NFRKB: variants seen among roughly 807,000 people sequenced by gnomAD.
NFRKB encodes the protein nuclear factor related to kappaB binding protein.
In NFRKB, 62 loss-of-function variants were observed where a neutral mutation model predicts 135.7. That is an observed-to-expected ratio of 0.46 (90% confidence interval 0.37 to 0.56). The LOEUF is 0.56. Ranked by LOEUF, NFRKB falls within the 20% of genes least tolerant of loss-of-function variation. NFRKB has a pLI of 0.00. For missense variants in NFRKB, 1,545 were observed against 1,662.0 expected (o/e 0.93, Z 1.22); for synonymous variants, 678 against 635.6 (o/e 1.07, Z -1.00).
chr11:129,882,495 G>A lies in NFRKB; in HGVS notation c.1038C>T (p.Leu346=), dbSNP rs1428437916. The A allele has an allele frequency of 6.2e-7, 1 of 1,613,956 alleles. No homozygotes were observed. Among genetic ancestry groups the A allele is most frequent in the African/African-American group, 1.3e-5 (1 of 75,042 alleles). Residue 346 remains leucine, a synonymous_variant, in exon 10 of 27, where the codon CTC becomes CTT. Transcript: ENST00000682444. ...TTGCCAGCGGAGAGGGGGCCTGTGA[G>A]AGAGGTGCGACCCCTTCAGTACTGC... is the stretch of plus-strand genomic sequence containing the variant. The part of the protein sequence containing the change: ...PLSSTEGVAP[L]SQAPSPLAIP...
chr11:129,884,216 T>A, intron 7 of NFRKB, 73 bp from the exon 8 acceptor site: 3 of 1,484,574 alleles, frequency 2.0e-6, no homozygotes, highest in Non-Finnish European at 1.9e-6. Flanking sequence ...CTTTCAAAAG[T>A]AAGATATTTC....
chr11:129,887,130 G>C (rs551964081), intron 4 of NFRKB, among the ~76,000 whole-genome samples: 2 of 152,190 alleles, frequency 1.3e-5, no homozygotes, highest in Admixed American at 1.3e-4. Flanking sequence ...GAAGGGAAGA[G>C]GAAGAGGCTT....
chr11:129,869,552 C>T lies in NFRKB; in HGVS notation c.3473G>A (p.Gly1158Glu). Reference protein sequence around the residue: ...AASTPISISTGAPTVRQVPVS... With the variant: ...AASTPISISTEAPTVRQVPVS... Reference sequence around the variant, plus strand: ...AGGGACCTGCCGCACGGTGGGGGCTCCTGTGCTGATGCTGATGGGGGTGCT... The same window carrying T: ...AGGGACCTGCCGCACGGTGGGGGCTTCTGTGCTGATGCTGATGGGGGTGCT... The change falls in exon 24 of 27, where the codon GGA (glycine) becomes GAA (glutamate). Residue 1158 changes from glycine (G) to glutamate (E), a missense_variant. Transcript: ENST00000682444. 1 of 1,614,000 alleles carries T rather than the reference C, an allele frequency of 6.2e-7. No individual in the cohort carries two copies. Among genetic ancestry groups the T allele is most frequent in the African/African-American group, 1.3e-5 (1 of 75,042 alleles).
Position 129,869,610 on chromosome 11 carries a change from A to G in NFRKB, c.3415T>C (p.Ser1139Pro). 6.2e-7 allele frequency: 1 copy of G among 1,614,144 alleles called. No individual in the cohort carries two copies. Among genetic ancestry groups the G allele is most frequent in the East Asian group, 2.2e-5 (1 of 44,882 alleles). Residue 1139 changes from serine (S) to proline (P), a missense_variant, in exon 24 of 27, where the codon TCC becomes CCC. Ser to Pro is a moderately conservative substitution (Grantham distance 74). Around this residue, in one of 3 missense-constraint regions of NFRKB, gnomAD observed 753 missense variants for 804.3 expected, o/e 0.94. Coordinates refer to ENST00000682444, the MANE Select transcript of NFRKB (RefSeq NM_001143835.2). ...VSLPSMNAAV[S>P]KTVAVASGAA... ...CCAGAAGCCACAGCTACAGTCTTGG[A>G]CACAGCAGCATTCATACTGGGTAAG...
At chr11:129,891,671 G>A (rs893175417) in intron 3 of NFRKB, among the ~76,000 whole-genome samples, 17 of 152,150 alleles carry the variant, frequency 1.1e-4, no homozygotes, top group South Asian at 4.1e-4. Flanking sequence ...CAATCAATCC[G>A]TAACCACAGT....
At chr11:129,865,360 A>G (rs1025196477) in intron 25 of NFRKB, among the ~76,000 whole-genome samples, 1 of 152,228 alleles carries the variant, frequency 6.6e-6, no homozygotes, top group African/African-American at 2.4e-5. Flanking sequence ...ACCAGCAGGA[A>G]TAGTGGACAG....
At position 129,873,826 on chromosome 11, in the gene NFRKB, C is replaced by T. The variant is rs148738289; in HGVS notation, c.2469G>A (p.Pro823=). ...CTGGCATCTGTGGCAATGTCTGTGC[C>T]GGCCCTCCCGACTGCTGGGGAACAG... ...LPAVPQQSGG[P]AQTLPQMPAG... Residue 823 remains proline, a synonymous_variant, in exon 22 of 27, where the codon CCG becomes CCA. Transcript: ENST00000682444. 2.3e-4 allele frequency: 375 copies of T among 1,614,180 alleles called. 3 individuals carry two copies. The East Asian group carries it at 7.8e-3, about 34-fold the overall frequency.
chr11:129,875,506 T>C (rs1471819172), intron 17 of NFRKB, 43 bp from the exon 18 acceptor site: 5 of 1,498,168 alleles, frequency 3.3e-6, no homozygotes, highest in Admixed American at 2.0e-5. Flanking sequence ...TCAGGCAGGG[T>C]TCCTACGGAG....
chr11:129,876,192 G>C (rs1948758764), intron 17 of NFRKB, among the ~76,000 whole-genome samples: 1 of 152,028 alleles, frequency 6.6e-6, no homozygotes, highest in Admixed American at 6.5e-5. Context: ...ATCACTACTT[G>C]GAAATTTCAA....
intron 8 of NFRKB, among the ~76,000 whole-genome samples, 185 bp downstream of exon 8, chr11:129,883,885 C>A (rs974801606): frequency 6.6e-6 from 1 of 152,106 alleles, no homozygotes; most frequent in African/African-American, 2.4e-5. Context: ...TTCAGCAGGC[C>A]CTGCGAAGTC....
intron 13 of NFRKB, among the ~76,000 whole-genome samples, chr11:129,880,006 G>A (rs1303626366): frequency 6.6e-6 from 1 of 152,080 alleles, no homozygotes; most frequent in Non-Finnish European, 1.5e-5. Context: ...GGACAACATG[G>A]GGAAACCTTG....
intron 13 of NFRKB, among the ~76,000 whole-genome samples, chr11:129,879,301 A>G (rs2135657884): frequency 6.6e-6 from 1 of 152,338 alleles, no homozygotes; most frequent in South Asian, 2.1e-4. Flanking sequence ...CTTCAACTAA[A>G]GCATCTGGCC....
intron 23 of NFRKB, among the ~76,000 whole-genome samples, chr11:129,871,220 AT>A (rs748340258): frequency 1.3e-5 from 2 of 152,120 alleles, no homozygotes; most frequent in Non-Finnish European, 2.9e-5. Flanking sequence ...AATCTGTATT[AT>A]TTTTTGTTGT....
intron 10 of NFRKB, 114 bp downstream of exon 10, chr11:129,882,334 GACT>G: frequency 2.9e-6 from 4 of 1,370,324 alleles, no homozygotes; most frequent in Non-Finnish European, 4.0e-6. Context: ...GTATCCCTGG[GACT>G]TCAGGTCTAC....
chr11:129,868,541 C>T (rs1948323201), intron 24 of NFRKB, among the ~76,000 whole-genome samples: 2 of 152,188 alleles, frequency 1.3e-5, no homozygotes, highest in South Asian at 4.1e-4. Context: ...TCCATGTGCG[C>T]ACCCCCAAGG....
intron 4 of NFRKB, among the ~76,000 whole-genome samples, chr11:129,888,132 T>C (rs929392417): frequency 6.6e-6 from 1 of 152,154 alleles, no homozygotes; most frequent in Non-Finnish European, 1.5e-5. Context: ...GGTGATGATA[T>C]GGGAAAGTGT....
chr11:129,883,110 C>T lies in NFRKB; in HGVS notation c.901+12G>A. On this transcript the variant is annotated intron_variant, in intron 9 of 26. Transcript: ENST00000682444. ...GTCAGATGAAGGCTCCTAGAGGGGC[C>T]CAGTCATTTACCTGCCAGAGAGCCC... 6.2e-7 allele frequency: 1 copy of T among 1,613,374 alleles called. No individual in the cohort carries two copies. Among genetic ancestry groups the T allele is most frequent in the Admixed American group, 1.7e-5 (1 of 59,960 alleles).
intron 1 of NFRKB, among the ~76,000 whole-genome samples, chr11:129,894,978 C>CTTT (rs1317006199): frequency 6.6e-6 from 1 of 152,194 alleles, no homozygotes; most frequent in Non-Finnish European, 1.5e-5. Flanking sequence ...CACTGACAAC[C>CTTT]TTTGCACTGC....
chr11:129,883,182 C>A lies in NFRKB; in HGVS notation c.841G>T (p.Asp281Tyr). 5 of 1,614,090 alleles carry A rather than the reference C, an allele frequency of 3.1e-6. No individual in the cohort carries two copies. The highest frequency in any genetic ancestry group is 4.2e-6 in the Non-Finnish European group (5 of 1,180,018). The change falls in exon 9 of 27, where the codon GAC (aspartate) becomes TAC (tyrosine). Residue 281 changes from aspartate (D) to tyrosine (Y), a missense_variant. Physicochemically the swap from Asp to Tyr is radical, Grantham distance 160 (BLOSUM62 -3). This residue lies in a region of NFRKB where 678 missense variants were observed against 646.7 expected (regional missense o/e 1.05). Transcript: ENST00000682444. The stretch of plus-strand genomic sequence containing the variant: ...GTCATGATGTCATTGAGAGTCAGGT[C>A]CCCTGTCAAAAGGTCCGGGTGATCC... ...QPDHPDLLTG[D>Y]LTLNDIMTRV...
Sources: gnomAD v4.1 joint callset for allele counts (sites outside exome capture counted in the v4.1 genomes callset) on GRCh38, gnomAD v4.1.1 for gene constraint, gnomAD v4.1.1 regional missense constraint, MANE v1.5 for transcripts, NCBI Gene and HGNC (gene_info 2026-07-23, HGNC 2026-07-21) for gene names.